Variants in CHST8 observed in about 807,000 individuals in gnomAD.
CHST8 encodes carbohydrate sulfotransferase 8.
Under a neutral mutation model 15.0 loss-of-function variants are expected in CHST8, and 10 were observed. The observed-to-expected ratio is 0.67, with a 90% confidence interval of 0.41 to 1.13. CHST8 has a LOEUF of 1.13. Among genes scored for constraint, CHST8 ranks in the 50% most tolerant of loss-of-function variants. The pLI is 0.00. For synonymous variants in CHST8, 259 were observed against 256.6 expected, an observed-to-expected ratio of 1.01 and a Z score of -0.09; for missense variants, 634 against 608.2, an observed-to-expected ratio of 1.04 and a Z score of -0.45.
rs1361741997 is a variant in CHST8 at position 33,674,347 on chromosome 19, C to T, written c.-87+6504C>T. On this transcript the variant is annotated intron_variant, in intron 2 of 4. Coordinates refer to ENST00000650847, the MANE Select transcript of CHST8 (RefSeq NM_001127895.2). The stretch of plus-strand genomic sequence containing the variant: ...ATTAACCATCTGCAGGAGCTGCCAT[C>T]GGCATGGGGGAGGGGCTGGGTCCCA... Among the ~76,000 whole-genome samples, 5 of 152,288 alleles carry T rather than the reference C, an allele frequency of 3.3e-5. No homozygotes were observed. In the South Asian group the frequency reaches 6.2e-4, roughly 19 times the overall value.
At chr19:33,651,958 A>AT (rs148108081) in intron 1 of CHST8, among the ~76,000 whole-genome samples, 1,897 of 151,784 alleles carry the variant, frequency 0.012, 32 homozygotes, top group African/African-American at 0.042. Flanking sequence ...TATATTCTTA[A>AT]TTTTTTTTGG....
At chr19:33,765,559 G>GTGTGTC (rs1202746538) in intron 3 of CHST8, among the ~76,000 whole-genome samples, 17 of 117,254 alleles carry the variant, frequency 1.4e-4, no homozygotes, top group African/African-American at 1.8e-4. Flanking sequence ...GTGTGTCAGA[G>GTGTGTC]AGAGAGAGAG....
At chr19:33,702,520 AC>A (rs1973360551) in intron 3 of CHST8, among the ~76,000 whole-genome samples, 2 of 152,360 alleles carry the variant, frequency 1.3e-5, no homozygotes, top group Admixed American at 1.3e-4. Context: ...AAAACCTACA[AC>A]AAAGACACCT....
chr19:33,641,638 T>A (rs1001839511), intron 1 of CHST8, among the ~76,000 whole-genome samples: 2 of 151,790 alleles, frequency 1.3e-5, no homozygotes, highest in African/African-American at 4.8e-5. Context: ...GAGCCTCAGA[T>A]AGCCCAGAAA....
At chr19:33,694,524 C>T (rs185954661) in intron 3 of CHST8, among the ~76,000 whole-genome samples, 2 of 152,024 alleles carry the variant, frequency 1.3e-5, no homozygotes, top group East Asian at 3.9e-4. Context: ...GGAAATTTAA[C>T]GATGAAGATA....
rs374434547 is a variant in CHST8 at position 33,699,307 on chromosome 19, G to A, written c.130+9916G>A. Among the ~76,000 whole-genome samples the A allele has an allele frequency of 2.6e-5, 4 of 152,206 alleles. No homozygotes were observed. In the East Asian group the frequency reaches 7.7e-4, roughly 29 times the overall value. ...GGAGCTCACAATCTGTGGGGGTCAAGGAAGGAGGTTATCCAGGCCCTTCCT... is the reference window on the plus strand; with the variant it reads ...GGAGCTCACAATCTGTGGGGGTCAAAGAAGGAGGTTATCCAGGCCCTTCCT... On this transcript the variant is annotated intron_variant, in intron 3 of 4. Coordinates refer to ENST00000650847, the MANE Select transcript of CHST8 (RefSeq NM_001127895.2).
intron 1 of CHST8, among the ~76,000 whole-genome samples, chr19:33,642,181 G>A (rs1972292310): frequency 6.6e-6 from 1 of 152,036 alleles, no homozygotes; most frequent in Non-Finnish European, 1.5e-5. Context: ...CTGGGAAGGG[G>A]CCAAAGCCCT....
At chr19:33,733,640 G>A (rs775033328) in intron 3 of CHST8, among the ~76,000 whole-genome samples, 2 of 152,162 alleles carry the variant, frequency 1.3e-5, no homozygotes, top group African/African-American at 4.8e-5. Flanking sequence ...TTTACTAGTT[G>A]TTCTTGCATC....
intron 3 of CHST8, among the ~76,000 whole-genome samples, chr19:33,722,176 G>T (rs2145311879): frequency 6.6e-6 from 1 of 151,446 alleles, no homozygotes; most frequent in African/African-American, 2.4e-5. Context: ...CAGCTAGGTG[G>T]GTGGGTGGGC....
In CHST8 at chr19:33,660,449, C is replaced by T. The variant is rs145227786; in HGVS notation, c.-163-7318C>T. On this transcript the variant is annotated intron_variant, in intron 1 of 4. Transcript: ENST00000650847. ...CATGAGGTAGGAGATGGGCAGGACT[C>T]GTTTCTGGTCACAACCTTGCTGACC... Among the ~76,000 whole-genome samples, 118 of 152,256 alleles carry T rather than the reference C, an allele frequency of 7.8e-4. 1 individual carries two copies. Among genetic ancestry groups the T allele is most frequent in the African/African-American group, 2.5e-3 (102 of 41,552 alleles).
intron 2 of CHST8, among the ~76,000 whole-genome samples, chr19:33,682,904 C>T (rs1249705955): frequency 1.3e-5 from 2 of 152,184 alleles, no homozygotes; most frequent in Admixed American, 6.5e-5. Flanking sequence ...TGTGGTTCTG[C>T]AGGCTGTACA....
chr19:33,716,280 T>A (rs1266536638), intron 3 of CHST8, among the ~76,000 whole-genome samples: 1 of 152,234 alleles, frequency 6.6e-6, no homozygotes, highest in Non-Finnish European at 1.5e-5. Flanking sequence ...CTTCTTTTGA[T>A]GTCTCTTGTG....
At chr19:33,662,817 G>A (rs1337382712) in intron 1 of CHST8, among the ~76,000 whole-genome samples, 2 of 152,200 alleles carry the variant, frequency 1.3e-5, no homozygotes, top group Non-Finnish European at 2.9e-5. Flanking sequence ...AACTCAGAAT[G>A]CCTGTTTAAG....
intron 2 of CHST8, among the ~76,000 whole-genome samples, chr19:33,668,455 G>C (rs1377591340): frequency 1.3e-5 from 2 of 152,092 alleles, no homozygotes; most frequent in Non-Finnish European, 2.9e-5. Context: ...TGTGAGGGGG[G>C]AAAGATAGCC....
intron 2 of CHST8, among the ~76,000 whole-genome samples, chr19:33,688,443 G>A (rs1295062706): frequency 6.6e-6 from 1 of 152,158 alleles, no homozygotes; most frequent in East Asian, 1.9e-4. Context: ...TCTGAGCTTG[G>A]AGTCTGTTGG....
chr19:33,669,927 G>C (rs538207806), intron 2 of CHST8, among the ~76,000 whole-genome samples: 1 of 152,292 alleles, frequency 6.6e-6, no homozygotes, highest in South Asian at 2.1e-4. Flanking sequence ...CTTTGAACTG[G>C]AGTCAAATTT....
At chr19:33,761,456 A>T (rs1363377320) in intron 3 of CHST8, among the ~76,000 whole-genome samples, 3 of 151,946 alleles carry the variant, frequency 2.0e-5, no homozygotes, top group Non-Finnish European at 4.4e-5. Flanking sequence ...CAGCCTCCTG[A>T]GTAGCTGGGA....
intron 2 of CHST8, among the ~76,000 whole-genome samples, chr19:33,684,118 C>T (rs1235903933): frequency 6.6e-6 from 1 of 152,200 alleles, no homozygotes; most frequent in Non-Finnish European, 1.5e-5. Flanking sequence ...CAGACTCCAA[C>T]TGGAATGTGT....
At chr19:33,624,050 C>T (rs1972020027) in intron 1 of CHST8, among the ~76,000 whole-genome samples, 1 of 152,164 alleles carries the variant, frequency 6.6e-6, no homozygotes, top group African/African-American at 2.4e-5. Context: ...GCCCAGTCGC[C>T]CTGGGACACA....
Sources: gnomAD v4.1 joint callset for allele counts (sites outside exome capture counted in the v4.1 genomes callset) on GRCh38, gnomAD v4.1.1 for gene constraint, MANE v1.5 for transcripts, NCBI Gene and HGNC (gene_info 2026-07-23, HGNC 2026-07-21) for gene names.